The following CMTR2 variants were observed in gnomAD, a reference collection of about 807,000 sequenced individuals.
CMTR2 encodes cap-specific mRNA (nucleoside-2'-O-)-methyltransferase 2.
CMTR2 carries 40 observed loss-of-function variants against 49.8 expected under a neutral mutation model. The observed-to-expected ratio is 0.80, with a 90% CI of 0.62 to 1.04. The LOEUF (loss-of-function observed/expected upper bound fraction) is 1.04, where lower values mean the gene tolerates loss of function less well. Ranked by LOEUF, CMTR2 falls within the 50% of genes least tolerant of loss-of-function variation. CMTR2 has a pLI of 0.00. For synonymous variants in CMTR2, 326 were observed against 315.8 expected, an observed-to-expected ratio of 1.03 and a Z score of -0.34; for missense variants, 907 against 897.2, an observed-to-expected ratio of 1.01 and a Z score of -0.14.
In CMTR2 at chr16:71,284,119, A is replaced by G; in HGVS notation, c.1802T>C (p.Leu601Pro). 2 of 1,614,062 alleles carry G rather than the reference A, an allele frequency of 1.2e-6. No individual in the cohort carries two copies. Among genetic ancestry groups the G allele is most frequent in the Non-Finnish European group, 1.7e-6 (2 of 1,179,932 alleles). ...IKMHIPLEVRLLESAELTTFS... is the reference protein window; with the variant it reads ...IKMHIPLEVRPLESAELTTFS... ...AGTTGTGAGTTCAGCTGATTCTAGG[A>G]GTCGAACTTCCAACGGTATATGCAT... The change falls in exon 3 of 3, where the codon CTC becomes CCC. Residue 601 changes from leucine to proline, a missense_variant. Physicochemically the swap from Leu to Pro is moderately conservative, Grantham distance 98. Coordinates refer to ENST00000434935, the MANE Select transcript of CMTR2 (RefSeq NM_018348.6).
Position 71,284,238 on chromosome 16 carries a change from GCTACACAACTCGGA to G in CMTR2, c.1669_1682del (p.Ser557ProfsTer3), listed in dbSNP as rs1179652516. 1 of 1,613,994 alleles carries G rather than the reference GCTACACAACTCGGA, an allele frequency of 6.2e-7. No homozygotes were observed. The highest frequency in any genetic ancestry group is 2.2e-5 in the East Asian group (1 of 44,890). On this transcript the variant is annotated frameshift_variant, in exon 3 of 3. Transcript: ENST00000434935. LOFTEE classifies it high-confidence loss of function. ...GCTCATCCTGAAGGCACTCAGTAAG[GCTACACAACTCGGA>G]AAATATCAGTTCTTCAGAAAAAACA...
upstream of CMTR2, chr16:71,289,456 G>A (rs1361882538): frequency 9.9e-5 from 15 of 152,202 alleles, no homozygotes; most frequent in Non-Finnish European, 8.8e-5. Flanking sequence ...GTGCGCCAAC[G>A]TTACGCACGC....
rs2041626010 is a variant in CMTR2 at position 71,282,438 on chromosome 16, T to C, written c.*1170A>G. Reference sequence around the variant, plus strand: ...TTTCACATATCAAAAGTGCCTAAAATGCATGTGAGAATATAAATATTCTCC... The same window carrying C: ...TTTCACATATCAAAAGTGCCTAAAACGCATGTGAGAATATAAATATTCTCC... On this transcript the variant is annotated 3_prime_UTR_variant, in exon 3 of 3. Transcript: ENST00000434935. 1 of 152,034 alleles carries C rather than the reference T, an allele frequency of 6.6e-6. No individual in the cohort carries two copies. The highest frequency in any genetic ancestry group is 2.4e-5 in the African/African-American group (1 of 41,428). The allele number at this position is 152,034 out of a possible 1,614,324, so 9.4% of individuals were successfully genotyped here. A position where few individuals can be genotyped will look rare whatever the true frequency, so the allele number is the denominator to read the frequency against.
Position 71,282,891 on chromosome 16 carries a change from A to T in CMTR2, c.*717T>A. 6.5e-6 allele frequency: 1 copy of T among 152,684 alleles called. No homozygotes were observed. The highest frequency in any genetic ancestry group is 3.4e-3 in the Middle Eastern group (1 of 294). The allele number at this position is 152,684 out of a possible 1,614,324, so 9.5% of individuals were successfully genotyped here. On this transcript the variant is annotated 3_prime_UTR_variant, in exon 3 of 3. Transcript: ENST00000434935. ...CAGGCGTGTATTAGATACAACAAAT[A>T]ATTTTTCATTGTTCTAAACATGATC...
intron 2 of CMTR2, chr16:71,288,174 T>G (rs2041762501): frequency 6.6e-6 from 1 of 152,210 alleles, no homozygotes; most frequent in African/African-American, 2.4e-5. Context: ...CCAAGCACAT[T>G]CCAAGACAAA....
chr16:71,287,151 A>T (rs1457587274), intron 2 of CMTR2: 1 of 152,176 alleles, frequency 6.6e-6, no homozygotes, highest in Non-Finnish European at 1.5e-5. Context: ...AAAAATCTGA[A>T]TTTGTTAAAT....
Position 71,283,295 on chromosome 16 carries a change from G to A in CMTR2, c.*313C>T, listed in dbSNP as rs1357523814. ...AAAGGTACACAGATGCAAATCTTAA[G>A]CAGATTAAGTAAGACCAACTAAATG... On this transcript the variant is annotated 3_prime_UTR_variant, in exon 3 of 3. Transcript: ENST00000434935. 1.2e-5 allele frequency: 3 copies of A among 258,268 alleles called. No individual in the cohort carries two copies. Among genetic ancestry groups the A allele is most frequent in the East Asian group, 1.5e-4 (2 of 13,238 alleles). The allele number at this position is 258,268 out of a possible 1,614,324, so 16.0% of individuals were successfully genotyped here.
rs1363307617 is a variant in CMTR2 at position 71,282,710 on chromosome 16, G to A, written c.*898C>T. Reference sequence around the variant, plus strand: ...TGAACCATCATTCTGAAAGTCTGAAGCGTTTTCTTTAGTATTCACTATGTT... The same window carrying A: ...TGAACCATCATTCTGAAAGTCTGAAACGTTTTCTTTAGTATTCACTATGTT... On this transcript the variant is annotated 3_prime_UTR_variant, in exon 3 of 3. Transcript: ENST00000434935. The A allele has an allele frequency of 6.6e-6, 1 of 152,108 alleles. No individual in the cohort carries two copies. Among genetic ancestry groups the A allele is most frequent in the African/African-American group, 2.4e-5 (1 of 41,436 alleles). The allele number at this position is 152,108 out of a possible 1,614,324, so 9.4% of individuals were successfully genotyped here.
In CMTR2 at chr16:71,284,373, T is replaced by C; in HGVS notation, c.1548A>G (p.Leu516=). The part of the protein sequence containing the change: ...KCSPFCNGEI[L]KTLNEAIEKS... ...TTTCAATTGCTTCATTAAGAGTTTT[T>C]AAAATTTCACCATTGCAAAAAGGAG... Residue 516 remains leucine (L), a synonymous_variant, in exon 3 of 3, where the codon TTA becomes TTG. Coordinates refer to ENST00000434935, the MANE Select transcript of CMTR2 (RefSeq NM_018348.6). 3.1e-6 allele frequency: 5 copies of C among 1,613,528 alleles called. No homozygotes were observed. Among genetic ancestry groups the C allele is most frequent in the Non-Finnish European group, 4.2e-6 (5 of 1,179,880 alleles).
intron 2 of CMTR2, chr16:71,288,202 G>C (rs913066932): frequency 6.6e-6 from 1 of 152,120 alleles, no homozygotes; most frequent in Non-Finnish European, 1.5e-5. Context: ...CTGCATTGGT[G>C]GTCCCTCTGC....
rs868303466 is a variant in CMTR2, at chr16:71,289,359, C to G, written c.-303G>C. 1 of 152,268 alleles carries G rather than the reference C, an allele frequency of 6.6e-6. No homozygotes were observed. Among genetic ancestry groups the G allele is most frequent in the African/African-American group, 2.4e-5 (1 of 41,462 alleles). The allele number at this position is 152,268 out of a possible 1,614,324, so 9.4% of individuals were successfully genotyped here. On this transcript the variant is annotated 5_prime_UTR_variant, in exon 1 of 3. Coordinates refer to ENST00000434935, the MANE Select transcript of CMTR2 (RefSeq NM_018348.6). ...CCGGGAAGCCAGTCCCACCTCCGGG[C>G]CCCGCAGCCGCGAATGCCGGCAGAC...
rs1320294395 is a variant in CMTR2 at position 71,284,072 on chromosome 16, C to A, written c.1849G>T (p.Asp617Tyr). 6.2e-7 allele frequency: 1 copy of A among 1,614,054 alleles called. No individual in the cohort carries two copies. Among genetic ancestry groups the A allele is most frequent in the South Asian group, 1.1e-5 (1 of 91,072 alleles). ...LTTFSCSLLH[D>Y]GDPTYQRLFL... ...AAACGCTGGTAAGTTGGATCTCCAT[C>A]ATGAAGCAATGAACAGCTAAAAGTT... The change falls in exon 3 of 3, where the codon GAT becomes TAT. Residue 617 changes from aspartate (D) to tyrosine (Y), a missense_variant. Coordinates refer to ENST00000434935, the MANE Select transcript of CMTR2 (RefSeq NM_018348.6).
In CMTR2 at chr16:71,284,102, G is replaced by T; in HGVS notation, c.1819C>A (p.Leu607Ile). The change falls in exon 3 of 3, where the codon CTC becomes ATC. Residue 607 changes from leucine to isoleucine, a missense_variant. Transcript: ENST00000434935. Reference sequence around the variant, plus strand: ...AGCAATGAACAGCTAAAAGTTGTGAGTTCAGCTGATTCTAGGAGTCGAACT... The same window carrying T: ...AGCAATGAACAGCTAAAAGTTGTGATTTCAGCTGATTCTAGGAGTCGAACT... ...LEVRLLESAE[L>I]TTFSCSLLHD... is the part of the protein sequence containing the mutation. The T allele has an allele frequency of 6.2e-7, 1 of 1,614,020 alleles. No individual in the cohort carries two copies. The highest frequency in any genetic ancestry group is 8.5e-7 in the Non-Finnish European group (1 of 1,179,906).
In CMTR2 at chr16:71,284,541, G is replaced by A; in HGVS notation, c.1380C>T (p.Ala460=). ...LEALSWKDKV[A]KGYFNSWAEE... is the part of the protein sequence containing the mutation. Reference sequence around the variant, plus strand: ...CAGCCCAACTATTAAAGTATCCTTTGGCTACTTTATCTTTCCATGAAAGGG... The same window carrying A: ...CAGCCCAACTATTAAAGTATCCTTTAGCTACTTTATCTTTCCATGAAAGGG... Residue 460 remains alanine (A), a synonymous_variant, in exon 3 of 3, where the codon GCC becomes GCT. Transcript: ENST00000434935. 6.2e-7 allele frequency: 1 copy of A among 1,613,590 alleles called. No individual in the cohort carries two copies. The highest frequency in any genetic ancestry group is 8.5e-7 in the Non-Finnish European group (1 of 1,179,906).
At chr16:71,288,749 A>G (rs2041775944) in intron 2 of CMTR2, 129 bp downstream of exon 2, 2 of 152,098 alleles carry the variant, frequency 1.3e-5, no homozygotes, top group African/African-American at 4.8e-5. Context: ...GCTTTGTGAC[A>G]TCATAATTCT....
In CMTR2 at chr16:71,284,152, T is replaced by C; in HGVS notation, c.1769A>G (p.Asn590Ser). Reference protein sequence around the residue: ...CLLVGFSTLRNIKMHIPLEVR... With the variant: ...CLLVGFSTLRSIKMHIPLEVR... ...TTCCAACGGTATATGCATTTTGATA[T>C]TACGGAGAGTCGAAAAGCCCACCAG... is the stretch of plus-strand genomic sequence containing the variant. The change falls in exon 3 of 3, where the codon AAT becomes AGT. Residue 590 changes from asparagine to serine, a missense_variant. Transcript: ENST00000434935. 6.2e-7 allele frequency: 1 copy of C among 1,613,950 alleles called. No homozygotes were observed. Among genetic ancestry groups the C allele is most frequent in the South Asian group, 1.1e-5 (1 of 91,072 alleles).
rs776560809 is a variant in CMTR2 at position 71,283,697 on chromosome 16, A to T, written c.2224T>A (p.Leu742Met). The change falls in exon 3 of 3, where the codon TTG becomes ATG. Residue 742 changes from leucine to methionine, a missense_variant. Leu to Met is a conservative substitution (Grantham distance 15). Coordinates refer to ENST00000434935, the MANE Select transcript of CMTR2 (RefSeq NM_018348.6). ...KGALLDFLWD[L>M]NAAIAKRHLH... ...TGCCTTTTAGCAATGGCAGCATTCA[A>T]ATCCCACAAAAAATCAAGCAGGGCC... 1 of 1,613,950 alleles carries T rather than the reference A, an allele frequency of 6.2e-7. No individual in the cohort carries two copies. The highest frequency in any genetic ancestry group is 8.5e-7 in the Non-Finnish European group (1 of 1,179,906).
intron 2 of CMTR2, chr16:71,288,605 T>C (rs559075830): frequency 6.7e-6 from 1 of 149,286 alleles, no homozygotes; most frequent in African/African-American, 2.5e-5. Flanking sequence ...GAGTCATTAA[T>C]AGTGCACCTC....
chr16:71,288,893 T>A lies in CMTR2; in HGVS notation c.-35A>T, dbSNP rs1302690812. 1 of 152,198 alleles carries A rather than the reference T, an allele frequency of 6.6e-6. No homozygotes were observed. Among genetic ancestry groups the A allele is most frequent in the East Asian group, 1.9e-4 (1 of 5,180 alleles). 9.4% of individuals were successfully genotyped at this position (152,198 alleles called of 1,614,324 possible). A position where few individuals can be genotyped will look rare whatever the true frequency, so the allele number is the denominator to read the frequency against. On this transcript the variant is annotated 5_prime_UTR_variant, in exon 2 of 3. Transcript: ENST00000434935. ...CAGTTTTTACCTCACAGCTGACACTTATAAAGGAGTTCCAAGTGCTTCCGC... is the reference window on the plus strand; with the variant it reads ...CAGTTTTTACCTCACAGCTGACACTAATAAAGGAGTTCCAAGTGCTTCCGC...
Sources: gnomAD v4.1 joint callset for allele counts on GRCh38, gnomAD v4.1.1 for gene constraint, MANE v1.5 for transcripts, NCBI Gene and HGNC (gene_info 2026-07-23, HGNC 2026-07-21) for gene names.